The following BANK1 variants were observed in gnomAD, a reference collection of about 807,000 sequenced individuals.
BANK1 encodes the protein B-cell scaffold protein with ankyrin repeats.
BANK1 carries 95 observed loss-of-function variants against 94.5 expected under a neutral mutation model. That is an observed-to-expected ratio of 1.00 (90% CI 0.85 to 1.19). The LOEUF (loss-of-function observed/expected upper bound fraction) is 1.19, where lower values mean the gene tolerates loss of function less well. BANK1 is among the 50% of genes most tolerant of loss of function. BANK1 has a pLI of 0.00. For synonymous variants in BANK1, 334 were observed against 308.4 expected, an observed-to-expected ratio of 1.08 and a Z score of -0.87; for missense variants, 987 against 932.2, an observed-to-expected ratio of 1.06 and a Z score of -0.77.
intron 7 of BANK1, among the ~76,000 whole-genome samples, chr4:101,967,611 T>C (rs1033352179): frequency 6.6e-6 from 1 of 152,176 alleles, no homozygotes; most frequent in East Asian, 1.9e-4. Flanking sequence ...CGCTTTTTTT[T>C]ACTGAAAAAA....
At chr4:101,845,413 A>G (rs952850738) in intron 2 of BANK1, among the ~76,000 whole-genome samples, 2 of 152,188 alleles carry the variant, frequency 1.3e-5, no homozygotes, top group Non-Finnish European at 2.9e-5. Flanking sequence ...TATTCTGAAA[A>G]ACATGCCAAA....
rs768034608 is a variant in BANK1, at chr4:101,799,315, G to A, written c.70+8365G>A. ...CTGAGGGCTCTGTTCTGTTCCATTGGTCTATATCTCTGTTTTGGTACCAGT... is the reference window on the plus strand; with the variant it reads ...CTGAGGGCTCTGTTCTGTTCCATTGATCTATATCTCTGTTTTGGTACCAGT... On this transcript the variant is annotated intron_variant, in intron 1 of 16. Transcript: ENST00000322953. Among the ~76,000 whole-genome samples the A allele has an allele frequency of 2.4e-4, 36 of 152,220 alleles. 1 individual carries two copies. The highest frequency in any genetic ancestry group is 6.8e-3 in the Middle Eastern group (2 of 294).
chr4:101,804,805 G>A (rs998277784), intron 1 of BANK1, among the ~76,000 whole-genome samples: 4 of 152,190 alleles, frequency 2.6e-5, no homozygotes, highest in Non-Finnish European at 4.4e-5. Flanking sequence ...AATCGTTTAT[G>A]TTATTGGTAA....
At chr4:102,065,920 AT>A (rs1728576197) in intron 13 of BANK1, among the ~76,000 whole-genome samples, 1 of 152,134 alleles carries the variant, frequency 6.6e-6, no homozygotes, top group Non-Finnish European at 1.5e-5. Context: ...TCCCAGCGAC[AT>A]TTAGGACAAT....
At position 101,918,012 on chromosome 4, in the gene BANK1, T is replaced by C. The variant is rs1560632322; in HGVS notation, c.1029T>C (p.Leu343=). 6.2e-7 allele frequency: 1 copy of C among 1,607,486 alleles called. No homozygotes were observed. The highest frequency in any genetic ancestry group is 8.5e-7 in the Non-Finnish European group (1 of 1,175,494). ...SQNKYTHFKE[L]PTLLHCAAKF... ...TTACAGATACTCATTTCAAAGAACT[T>C]CCAACTCTTCTCCACTGTGCAGCAA... The change falls in exon 7 of 17, where the codon CTT becomes CTC. Residue 343 remains leucine, a synonymous_variant. Coordinates refer to ENST00000322953, the MANE Select transcript of BANK1 (RefSeq NM_017935.5).
intron 13 of BANK1, among the ~76,000 whole-genome samples, chr4:102,070,472 T>A (rs1283311665): frequency 6.6e-6 from 1 of 152,236 alleles, no homozygotes; most frequent in Non-Finnish European, 1.5e-5. Flanking sequence ...CTCACTCACC[T>A]AATTACTGAG....
chr4:101,970,212 G>A (rs115716605), intron 7 of BANK1, among the ~76,000 whole-genome samples: 294 of 152,186 alleles, frequency 1.9e-3, no homozygotes, highest in Non-Finnish European at 4.0e-3. Flanking sequence ...GTGAAGATTC[G>A]AGGCGCTGGC....
intron 6 of BANK1, 61 bp from the exon 7 acceptor site, chr4:101,917,932 C>G (rs1722878851): frequency 1.3e-5 from 17 of 1,289,528 alleles, no homozygotes; most frequent in Non-Finnish European, 1.7e-5. Flanking sequence ...TGTGTTAGAC[C>G]TTTTAATGAG....
intron 6 of BANK1, among the ~76,000 whole-genome samples, chr4:101,913,992 A>G (rs562956342): frequency 2.6e-5 from 4 of 152,336 alleles, no homozygotes; most frequent in Admixed American, 2.6e-4. Context: ...TCTTAAGCGT[A>G]CAATTCAACA....
At chr4:101,962,289 T>C (rs1177907989) in intron 7 of BANK1, among the ~76,000 whole-genome samples, 3 of 152,138 alleles carry the variant, frequency 2.0e-5, no homozygotes, top group East Asian at 1.9e-4. Context: ...TTTTCCCCCA[T>C]TGACTCTGAT....
At chr4:102,012,325 A>G (rs1282114481) in intron 7 of BANK1, among the ~76,000 whole-genome samples, 4 of 152,104 alleles carry the variant, frequency 2.6e-5, no homozygotes, top group African/African-American at 2.4e-5. Flanking sequence ...TTTTCCCACC[A>G]TGTTTTCACT....
chr4:102,057,318 A>C (rs1176883241), intron 11 of BANK1, among the ~76,000 whole-genome samples: 1,417 of 77,904 alleles, frequency 0.018, no homozygotes, highest in African/African-American at 0.021. Flanking sequence ...CTGTTTCTCT[A>C]TTTCTCTCTC....
chr4:101,995,105 C>A (rs1465401891), intron 7 of BANK1, among the ~76,000 whole-genome samples: 1 of 152,084 alleles, frequency 6.6e-6, no homozygotes. Flanking sequence ...CCTAACCCCC[C>A]ACCACCTGAC....
intron 10 of BANK1, among the ~76,000 whole-genome samples, chr4:102,043,008 C>T (rs1727754287): frequency 6.6e-6 from 1 of 152,006 alleles, no homozygotes; most frequent in African/African-American, 2.4e-5. Flanking sequence ...CTTCCAACTC[C>T]CTCATCTATA....
intron 7 of BANK1, among the ~76,000 whole-genome samples, chr4:102,004,697 A>G (rs1316427485): frequency 2.6e-5 from 4 of 152,170 alleles, no homozygotes; most frequent in Non-Finnish European, 5.9e-5. Context: ...TTTATTTCAG[A>G]AAGTATGAGA....
In BANK1 at chr4:102,072,578, A is replaced by G. The variant is rs1288464109; in HGVS notation, c.2298+178A>G. Among the ~76,000 whole-genome samples, 4 of 151,338 alleles carry G rather than the reference A, an allele frequency of 2.6e-5. No homozygotes were observed. The East Asian group carries it at 7.7e-4, about 29-fold the overall frequency. ...GCATTTATTTAAGGAAATTATTTGG[A>G]AAAAAAACAAAGAGGGAACTCAAAG... On this transcript the variant is annotated intron_variant, in intron 15 of 16. Coordinates refer to ENST00000322953, the MANE Select transcript of BANK1 (RefSeq NM_017935.5).
chr4:101,936,576 ATGTG>A (rs1480192190), intron 7 of BANK1, among the ~76,000 whole-genome samples: 6 of 150,718 alleles, frequency 4.0e-5, no homozygotes, highest in African/African-American at 1.5e-4. Flanking sequence ...GTATACGTGT[ATGTG>A]TGTGTATATA....
chr4:101,812,299 A>G (rs1324849293), intron 1 of BANK1, among the ~76,000 whole-genome samples: 1 of 151,890 alleles, frequency 6.6e-6, no homozygotes, highest in Non-Finnish European at 1.5e-5. Flanking sequence ...TTCAACTTTG[A>G]TTACAATTAT....
intron 7 of BANK1, among the ~76,000 whole-genome samples, chr4:101,977,936 A>C (rs192396632): frequency 3.5e-4 from 48 of 138,754 alleles, no homozygotes; most frequent in Non-Finnish European, 5.9e-4. Context: ...AAATGTTTTA[A>C]AATTTAGGGG....
Sources: allele counts gnomAD v4.1 joint callset (sites outside exome capture counted in the v4.1 genomes callset), GRCh38; gene constraint gnomAD v4.1.1; transcripts MANE v1.5; gene names NCBI Gene and HGNC (gene_info 2026-07-23, HGNC 2026-07-21).